C2orf74: variants seen among roughly 807,000 people sequenced by gnomAD.
C2orf74 encodes the protein DPM1 ER membrane anchor 1, also known as uncharacterized protein C2orf74.
A neutral mutation model predicts 17.9 loss-of-function variants in C2orf74; 14 were observed. The observed-to-expected ratio is 0.78, with a 90% CI of 0.52 to 1.22. The LOEUF is 1.22. C2orf74 is among the 50% of genes most tolerant of loss of function. C2orf74 has a pLI of 0.00. For missense variants in C2orf74, 217 were observed against 218.4 expected (o/e 0.99, Z 0.04); for synonymous variants, 79 against 72.6 (o/e 1.09, Z -0.44).
intron 1 of C2orf74, among the ~76,000 whole-genome samples, chr2:61,149,391 G>C (rs1269743145): frequency 6.6e-6 from 1 of 151,938 alleles, no homozygotes; most frequent in African/African-American, 2.4e-5. Context: ...AGCTGCCCGG[G>C]GTGTTTATAA....
At position 61,164,576 on chromosome 2, in the gene C2orf74, T is replaced by C; in HGVS notation, c.*49T>C. The C allele has an allele frequency of 7.3e-7, 1 of 1,368,724 alleles. No homozygotes were observed. Among genetic ancestry groups the C allele is most frequent in the Non-Finnish European group, 9.7e-7 (1 of 1,035,268 alleles). 84.8% of individuals were successfully genotyped at this position (1,368,724 alleles called of 1,614,324 possible). A position where few individuals can be genotyped will look rare whatever the true frequency, so the allele number is the denominator to read the frequency against. On this transcript the variant is annotated 3_prime_UTR_variant, in exon 5 of 5. Transcript: ENST00000432605. ...AAGAAAATGTAACGTTTGACTAACG[T>C]TGAAAGACTGAGGGTACAAAATCAT...
upstream of C2orf74, among the ~76,000 whole-genome samples, chr2:61,157,260 C>T (rs6748712): frequency 0.036 from 5,471 of 152,224 alleles, 339 homozygotes; most frequent in African/African-American, 0.13. Flanking sequence ...AGGCTGGTCT[C>T]GAACTCCTGG....
At chr2:61,158,222 A>G (rs142581475), upstream of C2orf74, among the ~76,000 whole-genome samples, 198 of 152,310 alleles carry the variant, frequency 1.3e-3, 3 homozygotes, top group African/African-American at 4.6e-3. Context: ...GAGAGTTACT[A>G]TCAGGCATTC....
chr2:61,156,519 T>G (rs1442265602), intron 1 of C2orf74, among the ~76,000 whole-genome samples: 1 of 151,844 alleles, frequency 6.6e-6, no homozygotes, highest in Non-Finnish European at 1.5e-5. Flanking sequence ...AATATCAGAG[T>G]TGTAGTCACA....
chr2:61,153,165 A>C (rs1729661), intron 1 of C2orf74, among the ~76,000 whole-genome samples: 1,808 of 152,080 alleles, frequency 0.012, 11 homozygotes, highest in Non-Finnish European at 0.018. Context: ...AAAAAAAAAA[A>C]AACAACATTA....
intron 1 of C2orf74, among the ~76,000 whole-genome samples, chr2:61,149,672 A>G (rs1157321480): frequency 7.0e-6 from 1 of 143,254 alleles, no homozygotes; most frequent in Non-Finnish European, 1.5e-5. Flanking sequence ...TACGCCTCCC[A>G]GGTTCAAGCA....
At chr2:61,158,544 C>T (rs1685465826), upstream of C2orf74, among the ~76,000 whole-genome samples, 2 of 152,206 alleles carry the variant, frequency 1.3e-5, no homozygotes, top group African/African-American at 4.8e-5. Flanking sequence ...CTCAGAAAGC[C>T]AATCACTGAG....
At chr2:61,148,152 A>G (rs1192257672) in intron 1 of C2orf74, among the ~76,000 whole-genome samples, 1 of 147,928 alleles carries the variant, frequency 6.8e-6, no homozygotes, top group Non-Finnish European at 1.5e-5. Flanking sequence ...ATATATAAAA[A>G]TGTATATGTA....
At chr2:61,161,651 T>G (rs1166832013), upstream of C2orf74, 2 of 152,246 alleles carry the variant, frequency 1.3e-5, no homozygotes, top group Non-Finnish European at 2.9e-5. Context: ...TGTTGAAGAC[T>G]TGTGCATCAA....
upstream of C2orf74, chr2:61,159,515 C>CA: frequency 5.8e-6 from 1 of 173,038 alleles, no homozygotes; most frequent in Non-Finnish European, 1.2e-5. Context: ...AGGCTGGTCT[C>CA]AAACTCCTGA....
At chr2:61,159,980 T>A (rs534191693), upstream of C2orf74, among the ~76,000 whole-genome samples, 1 of 152,298 alleles carries the variant, frequency 6.6e-6, no homozygotes, top group East Asian at 1.9e-4. Flanking sequence ...TGATTTCCCA[T>A]TTCTTCCTCC....
At chr2:61,159,170 G>A (rs1481093828), upstream of C2orf74, 1 of 194,112 alleles carries the variant, frequency 5.2e-6, no homozygotes, top group Non-Finnish European at 1.1e-5. Context: ...CTAATTTTTT[G>A]TATTTTTAGT....
Position 61,163,169 on chromosome 2 carries a change from AGAG to A in C2orf74, c.331_333del (p.Glu111del). 6.4e-7 allele frequency: 1 copy of A among 1,552,412 alleles called. No homozygotes were observed. The highest frequency in any genetic ancestry group is 8.7e-7 in the Non-Finnish European group (1 of 1,147,118). On this transcript the variant is annotated inframe_deletion, in exon 4 of 5. Coordinates refer to ENST00000432605, the MANE Select transcript of C2orf74 (RefSeq NM_001143959.4). The stretch of plus-strand genomic sequence containing the variant: ...AAAACAGAAGGGACATGGAGGCAGA[AGAG>A]GAGAACCAAATAAATGAGAAGCAAG...
At chr2:61,152,449 G>C (rs1685257278) in intron 1 of C2orf74, among the ~76,000 whole-genome samples, 1 of 151,998 alleles carries the variant, frequency 6.6e-6, no homozygotes, top group Non-Finnish European at 1.5e-5. Context: ...GCTGAGGCAG[G>C]AGAATGGCGT....
intron 1 of C2orf74, chr2:61,151,948 A>G (rs774022300): frequency 1.3e-5 from 2 of 152,376 alleles, no homozygotes; most frequent in African/African-American, 2.4e-5. Context: ...CTGGTTTGCC[A>G]CAGATCCAGT....
intron 1 of C2orf74, among the ~76,000 whole-genome samples, chr2:61,149,159 A>G (rs554526374): frequency 3.4e-4 from 52 of 152,290 alleles, no homozygotes; most frequent in African/African-American, 1.1e-3. Context: ...ACCAAAAAAT[A>G]TCTCCCCTCT....
intron 1 of C2orf74, among the ~76,000 whole-genome samples, chr2:61,152,722 C>G (rs1685267783): frequency 6.6e-6 from 1 of 151,022 alleles, no homozygotes; most frequent in Non-Finnish European, 1.5e-5. Context: ...GTGACACATG[C>G]CTGTAATCCC....
At chr2:61,163,871 A>T (rs1169653672) in intron 4 of C2orf74, among the ~76,000 whole-genome samples, 2 of 152,004 alleles carry the variant, frequency 1.3e-5, no homozygotes, top group East Asian at 1.9e-4. Flanking sequence ...CTATCTAGGG[A>T]TCCAGCCCTC....
At chr2:61,148,763 C>T (rs992349866) in intron 1 of C2orf74, among the ~76,000 whole-genome samples, 1 of 152,140 alleles carries the variant, frequency 6.6e-6, no homozygotes, top group African/African-American at 2.4e-5. Context: ...GTCACCCAGG[C>T]TGGAGTGCAA....
Sources: allele counts gnomAD v4.1 joint callset (sites outside exome capture counted in the v4.1 genomes callset), GRCh38; gene constraint gnomAD v4.1.1; transcripts MANE v1.5; gene names NCBI Gene and HGNC (gene_info 2026-07-23, HGNC 2026-07-21).